The following SNAPC3 variants were observed in gnomAD, a reference collection of about 807,000 sequenced individuals.
The protein encoded by SNAPC3 is small nuclear RNA activating complex polypeptide 3, also known as snRNA-activating protein complex subunit 3.
SNAPC3 carries 56 observed loss-of-function variants against 47.7 expected under a neutral mutation model. That is an observed-to-expected ratio of 1.18 (90% confidence interval 0.95 to 1.47). SNAPC3 has a LOEUF of 1.47. SNAPC3 is among the 40% of genes most tolerant of loss of function. SNAPC3 has a pLI of 0.00. For synonymous variants in SNAPC3, 235 were observed against 189.9 expected, an observed-to-expected ratio of 1.24 and a Z score of -1.95; for missense variants, 665 against 511.3, an observed-to-expected ratio of 1.30 and a Z score of -2.90.
At position 15,427,622 on chromosome 9, in the gene SNAPC3, C is replaced by G. The variant is rs118053106; in HGVS notation, c.392+3636C>G. 1.3e-3 allele frequency among the ~76,000 whole-genome samples: 193 copies of G among 152,350 alleles called. No individual in the cohort carries two copies. The East Asian group carries it at 0.035, about 27-fold the overall frequency. On this transcript the variant is annotated intron_variant, in intron 2 of 8. Transcript: ENST00000380821. ...GCCTTGCCCCAAAGGGCTGGTATTA[C>G]AGGCGTGAGCCACGACGCCCAGCCC...
intron 1 of SNAPC3, among the ~76,000 whole-genome samples, chr9:15,423,509 C>T (rs1225432388): frequency 6.6e-6 from 1 of 152,114 alleles, no homozygotes; most frequent in East Asian, 1.9e-4. Context: ...CGTGTACCTG[C>T]CATTGACAGA....
At chr9:15,424,883 A>G (rs1398995200) in intron 2 of SNAPC3, among the ~76,000 whole-genome samples, 1 of 152,190 alleles carries the variant, frequency 6.6e-6, no homozygotes, top group African/African-American at 2.4e-5. Flanking sequence ...AATAACTGCT[A>G]AATCTGTTCC....
downstream of SNAPC3, chr9:15,466,069 AGGGT>A (rs2035603664): frequency 6.5e-6 from 1 of 153,318 alleles, no homozygotes. Context: ...AGCCTATTTT[AGGGT>A]GGGTATTAAA....
At chr9:15,423,305 C>T (rs2030842002) in intron 1 of SNAPC3, 112 bp downstream of exon 1, 1 of 1,111,404 alleles carries the variant, frequency 9.0e-7, no homozygotes, top group Admixed American at 3.4e-5. Context: ...TAGACCTGGG[C>T]TAGGAGTATT....
intron 2 of SNAPC3, among the ~76,000 whole-genome samples, chr9:15,426,631 G>A (rs1404962694): frequency 1.3e-5 from 2 of 152,134 alleles, no homozygotes; most frequent in Non-Finnish European, 2.9e-5. Flanking sequence ...TATTAAAGCA[G>A]ACTCTTTTTT....
intron 2 of SNAPC3, 69 bp from the exon 3 acceptor site, chr9:15,433,483 A>G: frequency 1.1e-6 from 1 of 952,344 alleles, no homozygotes; most frequent in Non-Finnish European, 1.6e-6. Context: ...TGAATGTTAA[A>G]TATGTTTTTG....
intron 3 of SNAPC3, among the ~76,000 whole-genome samples, chr9:15,442,642 C>G (rs916833180): frequency 2.6e-4 from 39 of 152,000 alleles, no homozygotes; most frequent in African/African-American, 8.5e-4. Flanking sequence ...TCCTCACTTC[C>G]TAGACGAGAT....
chr9:15,457,808 A>G (rs1455140721), intron 7 of SNAPC3, 152 bp from the exon 8 acceptor site: 12 of 553,928 alleles, frequency 2.2e-5, no homozygotes, highest in Non-Finnish European at 3.7e-5. Flanking sequence ...TTGGTGAAAC[A>G]TGGCATAACA....
intron 2 of SNAPC3, among the ~76,000 whole-genome samples, chr9:15,426,984 G>A (rs1423184245): frequency 6.6e-6 from 1 of 152,086 alleles, no homozygotes; most frequent in Non-Finnish European, 1.5e-5. Flanking sequence ...ATCTTTCTCT[G>A]AACCTTCCTT....
At chr9:15,424,125 T>A (rs1276434651) in intron 2 of SNAPC3, 139 bp downstream of exon 2, 1 of 450,236 alleles carries the variant, frequency 2.2e-6, no homozygotes, top group African/African-American at 2.1e-5. Flanking sequence ...TTTGACCATA[T>A]TTACTTTAGC....
rs1451362360 is a variant in SNAPC3 at position 15,423,170 on chromosome 9, G to C, written c.291G>C (p.Ala97=). The stretch of plus-strand genomic sequence containing the variant: ...ATCTGGACTGCAGCCTGGAGGCGGC[G>C]GCTGAGCTGAGGGCGGTGTGCGGGT... ...ARDLDCSLEA[A]AELRAVCGLD... The change falls in exon 1 of 9, where the codon GCG becomes GCC. Residue 97 remains alanine (A), a synonymous_variant. Coordinates refer to ENST00000380821, the MANE Select transcript of SNAPC3 (RefSeq NM_001039697.2). 2 of 1,575,996 alleles carry C rather than the reference G, an allele frequency of 1.3e-6. No homozygotes were observed. The highest frequency in any genetic ancestry group is 1.7e-6 in the Non-Finnish European group (2 of 1,170,544).
At position 15,457,598 on chromosome 9, in the gene SNAPC3, T is replaced by A. The variant is rs145862358; in HGVS notation, c.981-362T>A. ...TAACAGAGTAAGACCCCATTTCAAATAAATAAAAATAAAAGGTACTAGTGT... is the reference window on the plus strand; with the variant it reads ...TAACAGAGTAAGACCCCATTTCAAAAAAATAAAAATAAAAGGTACTAGTGT... On this transcript the variant is annotated intron_variant, in intron 7 of 8. Transcript: ENST00000380821. Among the ~76,000 whole-genome samples, 176 of 151,992 alleles carry A rather than the reference T, an allele frequency of 1.2e-3. 1 individual carries two copies. The highest frequency in any genetic ancestry group is 3.9e-3 in the African/African-American group (161 of 41,476).
At chr9:15,450,045 A>AT (rs1399198242) in intron 5 of SNAPC3, among the ~76,000 whole-genome samples, 2 of 152,044 alleles carry the variant, frequency 1.3e-5, no homozygotes, top group African/African-American at 4.8e-5. Context: ...AATAATAGTT[A>AT]TTTTTTTAGA....
chr9:15,462,190 C>T (rs529551277), downstream of SNAPC3: 1 of 152,276 alleles, frequency 6.6e-6, no homozygotes, highest in Non-Finnish European at 1.5e-5. Context: ...AAAGAAGAAA[C>T]ATGCCAGTTA....
intron 8 of SNAPC3, 89 bp from the exon 9 acceptor site, chr9:15,459,630 T>C: frequency 1.0e-6 from 1 of 1,004,204 alleles, no homozygotes. Context: ...AAATAGAATG[T>C]TATATTTACA....
chr9:15,455,586 A>G (rs576026862), intron 7 of SNAPC3, among the ~76,000 whole-genome samples: 2 of 152,218 alleles, frequency 1.3e-5, no homozygotes, highest in African/African-American at 4.8e-5. Context: ...AAAATTATAT[A>G]AGCTGTTCTG....
At chr9:15,433,829 C>T in intron 3 of SNAPC3, 193 bp downstream of exon 3, 2 of 406,802 alleles carry the variant, frequency 4.9e-6, no homozygotes, top group South Asian at 1.6e-4. Context: ...ACATGTTTGA[C>T]TTTTTCAGAT....
At chr9:15,452,322 A>ATT (rs35695129) in intron 6 of SNAPC3, among the ~76,000 whole-genome samples, 33,341 of 140,476 alleles carry the variant, frequency 0.24, 5,308 homozygotes, top group East Asian at 0.6. Flanking sequence ...TGGTTTCAGC[A>ATT]TTTTTTTTTT....
rs566300330 is a variant in SNAPC3, at chr9:15,447,148, C to T, written c.636C>T (p.Leu212=). The T allele has an allele frequency of 1.9e-6, 3 of 1,613,854 alleles. No individual in the cohort carries two copies. Among genetic ancestry groups the T allele is most frequent in the South Asian group, 2.2e-5 (2 of 91,070 alleles). The change falls in exon 5 of 9, where the codon CTC becomes CTT. Residue 212 remains leucine, a synonymous_variant. Coordinates refer to ENST00000380821, the MANE Select transcript of SNAPC3 (RefSeq NM_001039697.2). Reference sequence around the variant, plus strand: ...TGCTGGTGTTGGGCAGTCAAAAACTCACACAACTGAGGGATTCAATTCGAT... The same window carrying T: ...TGCTGGTGTTGGGCAGTCAAAAACTTACACAACTGAGGGATTCAATTCGAT... ...QTMLVLGSQK[L]TQLRDSIRCV...
Sources: allele counts gnomAD v4.1 joint callset (sites outside exome capture counted in the v4.1 genomes callset), GRCh38; gene constraint gnomAD v4.1.1; transcripts MANE v1.5; gene names NCBI Gene and HGNC (gene_info 2026-07-23, HGNC 2026-07-21).